Variants in NR2F1 observed in about 807,000 individuals in gnomAD.
NR2F1 encodes the protein COUP transcription factor 1.
A neutral mutation model predicts 37.7 loss-of-function variants in NR2F1; 1 was observed. The ratio of observed to expected loss-of-function variants is 0.03; its 90% CI spans 0.01 to 0.13. NR2F1 has a LOEUF of 0.13. Ranked by LOEUF, NR2F1 falls within the 10% of genes least tolerant of loss-of-function variation. The pLI is 1.00. For missense variants in NR2F1, 268 were observed against 578.4 expected (o/e 0.46, Z 5.50); for synonymous variants, 275 against 259.6 (o/e 1.06, Z -0.57).
In NR2F1 at chr5:93,588,312, A is replaced by G; in HGVS notation, c.859A>G (p.Met287Val). 6.2e-7 allele frequency: 1 copy of G among 1,613,282 alleles called. No homozygotes were observed. Reference sequence around the variant, plus strand: ...CGCCGCCGGCCTGCATGCCTCGCCCATGTCTGCCGACCGCGTCGTGGCCTT... The same window carrying G: ...CGCCGCCGGCCTGCATGCCTCGCCCGTGTCTGCCGACCGCGTCGTGGCCTT... ...LAAAGLHASP[M>V]SADRVVAFMD... The change falls in exon 2 of 3, where the codon ATG becomes GTG. Residue 287 changes from methionine (M) to valine (V), a missense_variant. Coordinates refer to ENST00000327111, the MANE Select transcript of NR2F1 (RefSeq NM_005654.6).
chr5:93,583,965 A>G lies in NR2F1; in HGVS notation c.-1059A>G, dbSNP rs1444192847. On this transcript the variant is annotated 5_prime_UTR_variant, in exon 1 of 3. Transcript: ENST00000327111. ...GCGCCACCGGCACAACAAAAAGAGC[A>G]AAGTGTGTGATCTTCCTCGCCGGCT... is the stretch of plus-strand genomic sequence containing the variant. 1 of 152,168 alleles carries G rather than the reference A, an allele frequency of 6.6e-6. No individual in the cohort carries two copies. The highest frequency in any genetic ancestry group is 1.5e-5 in the Non-Finnish European group (1 of 67,984). 9.4% of individuals were successfully genotyped at this position (152,168 alleles called of 1,614,324 possible). A position where few individuals can be genotyped will look rare whatever the true frequency, so the allele number is the denominator to read the frequency against.
At position 93,593,524 on chromosome 5, in the gene NR2F1, C is replaced by G; in HGVS notation, c.992-38C>G. 1 of 1,596,696 alleles carries G rather than the reference C, an allele frequency of 6.3e-7. No homozygotes were observed. Among genetic ancestry groups the G allele is most frequent in the Non-Finnish European group, 8.6e-7 (1 of 1,167,576 alleles). ...TATTTGTCAGCCTAACCGTGTGCTC[C>G]CTTTCCCTGTCTCTCCCTCCTGTGG... is the stretch of plus-strand genomic sequence containing the variant. On this transcript the variant is annotated intron_variant, in intron 2 of 2. Transcript: ENST00000327111. This position sits in a 1 kb window ranked among gnomAD's most constrained non-coding sequence, Gnocchi z 5.6.
intron 1 of NR2F1, chr5:93,587,709 A>G (rs1753256341): frequency 5.2e-6 from 3 of 573,006 alleles, no homozygotes; most frequent in East Asian, 2.9e-5. Context: ...GGGCTCAGGC[A>G]GTGGCTGGAC....
At chr5:93,591,442 C>T (rs1017763824) in intron 2 of NR2F1, among the ~76,000 whole-genome samples, 5 of 152,192 alleles carry the variant, frequency 3.3e-5, no homozygotes, top group Non-Finnish European at 5.9e-5. Context: ...GGGCTCCTGC[C>T]GGAGGGAAGC....
chr5:93,588,509 G>GGCCTGGCCTTCGGAGCCTCCCGC, intron 2 of NR2F1, 65 bp downstream of exon 2: 1 of 1,212,728 alleles, frequency 8.2e-7, no homozygotes, highest in Non-Finnish European at 1.0e-6. Flanking sequence ...GCGCCGCCCG[G>GGCCTGGCCTTCGGAGCCTCCCGC]GCCTGGCCTT....
intron 2 of NR2F1, 88 bp downstream of exon 2, chr5:93,588,532 CGCGGCCGGTGCGGG>C: frequency 1.0e-6 from 1 of 977,162 alleles, no homozygotes; most frequent in Non-Finnish European, 1.3e-6. Flanking sequence ...GAGCCTCCCG[CGCGGCCGGTGCGGG>C]GCGGGCCGGG....
Position 93,588,546 on chromosome 5 carries a change from G to A in NR2F1, c.991+102G>A, listed in dbSNP as rs969220104. ...GGAGCCTCCCGCGCGGCCGGTGCGG[G>A]GCGGGCCGGGCCCTCGCTGGACACT... On this transcript the variant is annotated intron_variant, in intron 2 of 2. Coordinates refer to ENST00000327111, the MANE Select transcript of NR2F1 (RefSeq NM_005654.6). 5 of 774,562 alleles carry A rather than the reference G, an allele frequency of 6.5e-6. No homozygotes were observed. In the Middle Eastern group the frequency reaches 2.1e-3, roughly 332 times the overall value. 48.0% of individuals were successfully genotyped at this position (774,562 alleles called of 1,614,324 possible). A position where few individuals can be genotyped will look rare whatever the true frequency, so the allele number is the denominator to read the frequency against.
Position 93,593,800 on chromosome 5 carries a change from G to A in NR2F1, c.1230G>A (p.Gly410=). The A allele has an allele frequency of 6.2e-7, 1 of 1,614,208 alleles. No homozygotes were observed. Among genetic ancestry groups the A allele is most frequent in the Non-Finnish European group, 8.5e-7 (1 of 1,180,042 alleles). ...ETLIRDMLLS[G]SSFNWPYMSI... ...TCATCCGCGATATGTTACTGTCTGGGAGCAGCTTCAACTGGCCTTACATGT... is the reference window on the plus strand; with the variant it reads ...TCATCCGCGATATGTTACTGTCTGGAAGCAGCTTCAACTGGCCTTACATGT... The change falls in exon 3 of 3, where the codon GGG becomes GGA. Residue 410 remains glycine (G), a synonymous_variant. Transcript: ENST00000327111. The surrounding 1 kb of genome is among the most constrained non-coding windows in gnomAD (Gnocchi z 5.6).
chr5:93,592,899 G>T (rs1364925785), intron 2 of NR2F1, among the ~76,000 whole-genome samples: 1 of 152,006 alleles, frequency 6.6e-6, no homozygotes. Flanking sequence ...GTCCTTTCTT[G>T]CATAGATAAC....
Position 93,593,741 on chromosome 5 carries a change from G to A in NR2F1, c.1171G>A (p.Val391Ile), listed in dbSNP as rs1340248863. The A allele has an allele frequency of 6.2e-7, 1 of 1,614,052 alleles. No individual in the cohort carries two copies. The highest frequency in any genetic ancestry group is 8.5e-7 in the Non-Finnish European group (1 of 1,180,040). Residue 391 changes from valine (V) to isoleucine (I), a missense_variant, in exon 3 of 3, where the codon GTC (valine) becomes ATC (isoleucine). Around this residue, in one of 5 missense-constraint regions of NR2F1, gnomAD observed 99 missense variants for 191.9 expected, o/e 0.52. Transcript: ENST00000327111. The surrounding 1 kb of genome is among the most constrained non-coding windows in gnomAD (Gnocchi z 5.6). ...SSSVIEQLFF[V>I]RLVGKTPIET... Reference sequence around the variant, plus strand: ...CTCCGTCATCGAGCAGCTCTTCTTCGTCCGTTTGGTAGGTAAAACCCCCAT... The same window carrying A: ...CTCCGTCATCGAGCAGCTCTTCTTCATCCGTTTGGTAGGTAAAACCCCCAT...
chr5:93,585,681 C>A (rs914106289), intron 1 of NR2F1, 195 bp downstream of exon 1: 9 of 584,148 alleles, frequency 1.5e-5, no homozygotes, highest in African/African-American at 1.1e-4. Context: ...GCTGCCTCCC[C>A]CTCCCGGCCT....
Position 93,593,409 on chromosome 5 carries a change from A to G in NR2F1, c.992-153A>G, listed in dbSNP as rs1021156693. On this transcript the variant is annotated intron_variant, in intron 2 of 2. Transcript: ENST00000327111. The surrounding 1 kb of genome is among the most constrained non-coding windows in gnomAD (Gnocchi z 5.6). ...GGAATGAAGAAGGGGATGGAGAGGT[A>G]TAGGAGGGTGAATTTTTCTTTTCTC... is the stretch of plus-strand genomic sequence containing the variant. Among the ~76,000 whole-genome samples, 1 of 152,002 alleles carries G rather than the reference A, an allele frequency of 6.6e-6. No individual in the cohort carries two copies. Among genetic ancestry groups the G allele is most frequent in the African/African-American group, 2.4e-5 (1 of 41,360 alleles).
Position 93,584,101 on chromosome 5 carries a change from C to T in NR2F1, c.-923C>T, listed in dbSNP as rs1753178356. 1 of 151,230 alleles carries T rather than the reference C, an allele frequency of 6.6e-6. No individual in the cohort carries two copies. Among genetic ancestry groups the T allele is most frequent in the African/African-American group, 2.4e-5 (1 of 41,316 alleles). The allele number at this position is 151,230 out of a possible 1,614,324, so 9.4% of individuals were successfully genotyped here. A position where few individuals can be genotyped will look rare whatever the true frequency, so the allele number is the denominator to read the frequency against. On this transcript the variant is annotated 5_prime_UTR_variant, in exon 1 of 3. Coordinates refer to ENST00000327111, the MANE Select transcript of NR2F1 (RefSeq NM_005654.6). ...CGCCGGCGGCAGCCTCGCCCAGCGC[C>T]CTGCTCGGCTCACCGCGCTCCCCGC... is the stretch of plus-strand genomic sequence containing the variant.
chr5:93,587,715 T>C, intron 1 of NR2F1: 1 of 593,164 alleles, frequency 1.7e-6, no homozygotes. Context: ...AGGCAGTGGC[T>C]GGACACACTG....
chr5:93,589,543 A>G (rs1753296590), intron 2 of NR2F1, among the ~76,000 whole-genome samples: 1 of 152,266 alleles, frequency 6.6e-6, no homozygotes, highest in South Asian at 2.1e-4. Flanking sequence ...TTTTACCACC[A>G]TTATTGGCAG....
chr5:93,585,705 C>G (rs35872199), intron 1 of NR2F1: 2 of 564,772 alleles, frequency 3.5e-6, no homozygotes, highest in South Asian at 4.1e-5. Context: ...CTCATCTCCC[C>G]GGCTCCCCCA....
intron 2 of NR2F1, among the ~76,000 whole-genome samples, chr5:93,590,506 A>G (rs1287475040): frequency 2.0e-5 from 3 of 152,236 alleles, no homozygotes; most frequent in African/African-American, 7.2e-5. Flanking sequence ...TTCAAGGTGC[A>G]AAGAGTGCCT....
In NR2F1 at chr5:93,593,465, C is replaced by A; in HGVS notation, c.992-97C>A. 7.7e-7 allele frequency: 1 copy of A among 1,296,974 alleles called. No individual in the cohort carries two copies. The highest frequency in any genetic ancestry group is 1.1e-6 in the Non-Finnish European group (1 of 939,782). The allele number at this position is 1,296,974 out of a possible 1,614,324, so 80.3% of individuals were successfully genotyped here. A position where few individuals can be genotyped will look rare whatever the true frequency, so the allele number is the denominator to read the frequency against. Reference sequence around the variant, plus strand: ...CTTCTTTTTTATTTTCCATTTTCTCCTTAAAAAAAATTGATGGCTTATTTT... The same window carrying A: ...CTTCTTTTTTATTTTCCATTTTCTCATTAAAAAAAATTGATGGCTTATTTT... On this transcript the variant is annotated intron_variant, in intron 2 of 2. Transcript: ENST00000327111. This position sits in a 1 kb window ranked among gnomAD's most constrained non-coding sequence, Gnocchi z 5.6.
chr5:93,590,016 G>A (rs1448463742), intron 2 of NR2F1, among the ~76,000 whole-genome samples: 1 of 152,230 alleles, frequency 6.6e-6, no homozygotes, highest in Non-Finnish European at 1.5e-5. Flanking sequence ...AGCCTCCTCC[G>A]TATTTGAATG....
Sources: gnomAD v4.1 joint callset for allele counts (sites outside exome capture counted in the v4.1 genomes callset) on GRCh38, gnomAD v4.1.1 for gene constraint, gnomAD v4.1.1 regional missense constraint, Gnocchi (gnomAD v3.1) non-coding constraint, MANE v1.5 for transcripts, NCBI Gene and HGNC (gene_info 2026-07-23, HGNC 2026-07-21) for gene names.